Variants in GRID2 observed in about 807,000 individuals in gnomAD.
GRID2 encodes glutamate receptor ionotropic, delta-2.
GRID2 carries 33 observed loss-of-function variants against 114.8 expected under a neutral mutation model. The ratio of observed to expected loss-of-function variants is 0.29; its 90% confidence interval spans 0.22 to 0.38. GRID2 has a LOEUF of 0.38. Among genes scored for constraint, GRID2 ranks in the 10% least tolerant of loss-of-function variants. GRID2 has a pLI of 1.00. For missense variants in GRID2, 1,184 were observed against 1,257.7 expected, an observed-to-expected ratio of 0.94 and a Z score of 0.89; for synonymous variants, 505 against 449.9, an observed-to-expected ratio of 1.12 and a Z score of -1.55.
At chr4:92,958,279 T>G (rs1560744736) in intron 2 of GRID2, among the ~76,000 whole-genome samples, 1 of 152,082 alleles carries the variant, frequency 6.6e-6, no homozygotes, top group Non-Finnish European at 1.5e-5. Context: ...GGCCATCAGT[T>G]CCTTTGTAGA....
chr4:93,666,240 T>C (rs1290043991), intron 14 of GRID2, among the ~76,000 whole-genome samples: 2 of 152,102 alleles, frequency 1.3e-5, no homozygotes, highest in East Asian at 3.8e-4. Context: ...ATTTTATTAA[T>C]TCAACAAATT....
At chr4:93,317,227 C>G (rs1181500132) in intron 8 of GRID2, among the ~76,000 whole-genome samples, 1 of 151,918 alleles carries the variant, frequency 6.6e-6, no homozygotes, top group Admixed American at 6.6e-5. Context: ...ATTTTCAGAT[C>G]GGGTTACCTG....
Position 92,304,752 on chromosome 4 carries a change from A to G in GRID2, c.88+8A>G, listed in dbSNP as rs776065239. The stretch of plus-strand genomic sequence containing the variant: ...ATTCGATCATTCACATCGGTAAGAA[A>G]GTGTTGGTGCAGCTCGTGGTTACTT... On this transcript the variant is annotated splice_region_variant and intron_variant, in intron 1 of 15. Transcript: ENST00000282020. 4 of 1,591,612 alleles carry G rather than the reference A, an allele frequency of 2.5e-6. No homozygotes were observed. The African/African-American group carries it at 5.4e-5, about 21-fold the overall frequency.
chr4:93,468,844 T>G (rs1194396024), intron 11 of GRID2, among the ~76,000 whole-genome samples: 2 of 152,136 alleles, frequency 1.3e-5, no homozygotes, highest in African/African-American at 4.8e-5. Flanking sequence ...CTGGCATATT[T>G]GAGGATTTAA....
intron 4 of GRID2, among the ~76,000 whole-genome samples, chr4:93,142,032 T>C (rs1238273552): frequency 1.3e-5 from 2 of 152,058 alleles, no homozygotes; most frequent in Non-Finnish European, 1.5e-5. Context: ...CTGGGAAACA[T>C]AGCAAAAACT....
chr4:93,119,687 T>C (rs568900908), intron 4 of GRID2, among the ~76,000 whole-genome samples: 29 of 152,324 alleles, frequency 1.9e-4, no homozygotes, highest in African/African-American at 6.5e-4. Context: ...CTAGGTTCAT[T>C]GAAAAAAAGA....
chr4:92,791,004 A>G (rs1739560751), intron 2 of GRID2, among the ~76,000 whole-genome samples: 1 of 151,760 alleles, frequency 6.6e-6, no homozygotes, highest in African/African-American at 2.4e-5. Flanking sequence ...CAGAAGAAAT[A>G]ATAGTTTCTC....
chr4:92,540,463 C>A (rs1256262165), intron 1 of GRID2, among the ~76,000 whole-genome samples: 1 of 151,904 alleles, frequency 6.6e-6, no homozygotes, highest in Non-Finnish European at 1.5e-5. Context: ...AAAAACAACC[C>A]CATCAAAAAG....
intron 1 of GRID2, among the ~76,000 whole-genome samples, chr4:92,492,892 G>A (rs148654854): frequency 0.012 from 1,871 of 152,154 alleles, 21 homozygotes; most frequent in Middle Eastern, 0.02. Flanking sequence ...ACTTTTGGAG[G>A]CCTAGGCGCG....
chr4:93,323,744 C>T (rs1757508198), intron 8 of GRID2, among the ~76,000 whole-genome samples: 2 of 152,028 alleles, frequency 1.3e-5, no homozygotes, highest in South Asian at 4.1e-4. Flanking sequence ...TTGTAGTTCT[C>T]CTTGAAGAGG....
intron 2 of GRID2, among the ~76,000 whole-genome samples, chr4:92,707,411 C>A (rs376576407): frequency 3.3e-4 from 50 of 152,126 alleles, no homozygotes; most frequent in African/African-American, 1.1e-3. Flanking sequence ...ATAATAGATT[C>A]TCTTCAAGCA....
chr4:93,349,543 T>C (rs1198368464), intron 8 of GRID2, among the ~76,000 whole-genome samples: 2 of 152,064 alleles, frequency 1.3e-5, no homozygotes, highest in African/African-American at 2.4e-5. Flanking sequence ...TCTAGCCCCA[T>C]AGAATTTAGC....
At chr4:93,794,838 T>C (rs1331322347) in intron 1 of GRID2, among the ~76,000 whole-genome samples, 2 of 152,144 alleles carry the variant, frequency 1.3e-5, no homozygotes, top group Non-Finnish European at 2.9e-5. Flanking sequence ...ATATTCTTCA[T>C]GAATGGAAGA....
At position 92,522,979 on chromosome 4, in the gene GRID2, T is replaced by C. The variant is rs75739071; in HGVS notation, c.89-67152T>C. On this transcript the variant is annotated intron_variant, in intron 1 of 15. Transcript: ENST00000282020. Reference sequence around the variant, plus strand: ...TTATAGCCAATTGTATGCTGTAGTTTAGTGCTCTCTGGTGATAAATAAAGG... The same window carrying C: ...TTATAGCCAATTGTATGCTGTAGTTCAGTGCTCTCTGGTGATAAATAAAGG... Among the ~76,000 whole-genome samples the C allele has an allele frequency of 2.0e-3, 309 of 152,114 alleles. 7 individuals carry two copies. In the East Asian group the frequency reaches 0.029, roughly 14 times the overall value.
intron 13 of GRID2, among the ~76,000 whole-genome samples, chr4:93,578,587 A>ATTTTTTTT (rs59397408): frequency 0.012 from 990 of 83,868 alleles, 42 homozygotes; most frequent in East Asian, 0.027. Context: ...TGTTTTTTGT[A>ATTTTTTTT]TTTTTTTTTT....
intron 1 of GRID2, among the ~76,000 whole-genome samples, chr4:92,393,250 G>C (rs1450445137): frequency 1.3e-5 from 2 of 152,120 alleles, no homozygotes; most frequent in Non-Finnish European, 2.9e-5. Context: ...CCTACCTCCA[G>C]CTTTGGGGAT....
intron 8 of GRID2, among the ~76,000 whole-genome samples, chr4:93,331,314 C>T (rs184853417): frequency 6.6e-6 from 1 of 150,494 alleles, no homozygotes. Flanking sequence ...TTGGGAAATT[C>T]TTCTCCCGTA....
intron 2 of GRID2, among the ~76,000 whole-genome samples, chr4:92,760,957 A>T (rs909115500): frequency 6.6e-6 from 1 of 152,060 alleles, no homozygotes; most frequent in Non-Finnish European, 1.5e-5. Flanking sequence ...GCCTTTAAGT[A>T]CTCACCCTGC....
At chr4:93,504,781 A>G (rs1728463967) in intron 12 of GRID2, among the ~76,000 whole-genome samples, 1 of 152,096 alleles carries the variant, frequency 6.6e-6, no homozygotes, top group South Asian at 2.1e-4. Flanking sequence ...CAAATTATGC[A>G]AAAACTAAAA....
Sources: gnomAD v4.1 joint callset for allele counts (sites outside exome capture counted in the v4.1 genomes callset) on GRCh38, gnomAD v4.1.1 for gene constraint, MANE v1.5 for transcripts, NCBI Gene and HGNC (gene_info 2026-07-23, HGNC 2026-07-21) for gene names.